The following CSMD1 variants were observed in gnomAD, a reference collection of about 807,000 sequenced individuals.
CSMD1 encodes the protein CUB and sushi domain-containing protein 1.
CSMD1 carries 213 observed loss-of-function variants against 417.5 expected under a neutral mutation model. The observed-to-expected ratio is 0.51, with a 90% CI of 0.46 to 0.57. The LOEUF (loss-of-function observed/expected upper bound fraction) is 0.57. CSMD1 is among the 20% of genes least tolerant of loss of function. The pLI is 0.00. For synonymous variants in CSMD1, 2,862 were observed against 1,736.8 expected (o/e 1.65, Z -16.11); for missense variants, 6,923 against 4,529.7 (o/e 1.53, Z -15.17).
At chr8:4,886,536 T>A (rs1472354635) in intron 1 of CSMD1, among the ~76,000 whole-genome samples, 3 of 151,968 alleles carry the variant, frequency 2.0e-5, no homozygotes, top group Non-Finnish European at 2.9e-5. Context: ...AAGTGTTTCC[T>A]TCTCTTTTAT....
At chr8:4,553,961 C>T (rs547068967) in intron 2 of CSMD1, among the ~76,000 whole-genome samples, 2 of 152,258 alleles carry the variant, frequency 1.3e-5, no homozygotes, top group South Asian at 4.1e-4. Flanking sequence ...TTTAGCCTGT[C>T]ACGCTGATGT....
At chr8:4,185,138 C>CAAA (rs56216926) in intron 3 of CSMD1, among the ~76,000 whole-genome samples, 6 of 75,116 alleles carry the variant, frequency 8.0e-5, no homozygotes, top group African/African-American at 3.3e-4. Flanking sequence ...AATTTTGCCT[C>CAAA]AAAAAAAAAA....
intron 10 of CSMD1, among the ~76,000 whole-genome samples, chr8:3,555,492 T>A (rs1799105384): frequency 6.6e-6 from 1 of 152,124 alleles, no homozygotes; most frequent in African/African-American, 2.4e-5. Context: ...TGCTGACAGG[T>A]TTAAATTCTA....
Position 3,284,140 on chromosome 8 carries a change from C to T in CSMD1, c.4153+4G>A. ...GTAAAGAAGAAGCACGCTGTGCCAC[C>T]TACTGGAGAACTGGATGGAGAAGCC... On this transcript the variant is annotated splice_donor_region_variant and intron_variant, in intron 26 of 69. Transcript: ENST00000635120. 2.6e-6 allele frequency: 4 copies of T among 1,557,096 alleles called. No homozygotes were observed. Among genetic ancestry groups the T allele is most frequent in the Non-Finnish European group, 3.5e-6 (4 of 1,149,966 alleles).
At chr8:3,352,856 A>T (rs1808506983) in intron 21 of CSMD1, among the ~76,000 whole-genome samples, 1 of 152,168 alleles carries the variant, frequency 6.6e-6, no homozygotes, top group Non-Finnish European at 1.5e-5. Flanking sequence ...ACAAACAAAC[A>T]AAGAAACAAA....
intron 10 of CSMD1, among the ~76,000 whole-genome samples, chr8:3,556,415 T>TATATATACATACATA (rs1799148435): frequency 1.1e-4 from 6 of 57,124 alleles, no homozygotes; most frequent in African/African-American, 3.7e-4. Context: ...ATATATATAT[T>TATATATACATACATA]CACACACACA....
intron 3 of CSMD1, among the ~76,000 whole-genome samples, chr8:4,114,417 C>T (rs1289544594): frequency 6.6e-6 from 1 of 152,172 alleles, no homozygotes; most frequent in Non-Finnish European, 1.5e-5. Flanking sequence ...TATTACTGCT[C>T]ATTGACAACA....
At chr8:3,061,136 G>T (rs148991314) in intron 49 of CSMD1, among the ~76,000 whole-genome samples, 1 of 152,278 alleles carries the variant, frequency 6.6e-6, no homozygotes, top group African/African-American at 2.4e-5. Flanking sequence ...GTATTTGTCT[G>T]TTTGTTTATG....
chr8:4,205,544 A>T (rs917935854), intron 3 of CSMD1, among the ~76,000 whole-genome samples: 1 of 152,190 alleles, frequency 6.6e-6, no homozygotes, highest in African/African-American at 2.4e-5. Context: ...ACTGACATTG[A>T]AAGTTGACGG....
At chr8:4,919,846 C>G (rs1157204673) in intron 1 of CSMD1, among the ~76,000 whole-genome samples, 1 of 152,062 alleles carries the variant, frequency 6.6e-6, no homozygotes, top group Non-Finnish European at 1.5e-5. Context: ...GCCCTTTCAC[C>G]TTCTTTCATG....
chr8:3,252,230 C>T (rs560736145), intron 26 of CSMD1, among the ~76,000 whole-genome samples: 68 of 152,196 alleles, frequency 4.5e-4, no homozygotes, highest in African/African-American at 1.4e-3. Context: ...TTTTGAAATA[C>T]GTCCCATCAA....
At chr8:4,855,156 T>A (rs1323915449) in intron 1 of CSMD1, among the ~76,000 whole-genome samples, 1 of 151,006 alleles carries the variant, frequency 6.6e-6, no homozygotes, top group Non-Finnish European at 1.5e-5. Flanking sequence ...AGGGGCACAC[T>A]GACACCTCAC....
chr8:3,125,701 G>T (rs1455484233), intron 41 of CSMD1, among the ~76,000 whole-genome samples: 3 of 152,186 alleles, frequency 2.0e-5, no homozygotes, highest in East Asian at 3.9e-4. Flanking sequence ...TTAAGGCCAG[G>T]TGCCGTGGCT....
At chr8:4,080,937 C>T (rs73190328) in intron 3 of CSMD1, among the ~76,000 whole-genome samples, 1 of 151,992 alleles carries the variant, frequency 6.6e-6, no homozygotes, top group Admixed American at 6.5e-5. Context: ...TGATTAGGCT[C>T]TGGGGACTCT....
chr8:4,080,123 C>A (rs1800050797), intron 3 of CSMD1, among the ~76,000 whole-genome samples: 1 of 151,942 alleles, frequency 6.6e-6, no homozygotes, highest in African/African-American at 2.4e-5. Flanking sequence ...TGTATACACC[C>A]CCATAGGTAC....
chr8:4,789,967 A>G (rs537246570), intron 1 of CSMD1, among the ~76,000 whole-genome samples: 5 of 152,246 alleles, frequency 3.3e-5, no homozygotes, highest in East Asian at 1.9e-4. Flanking sequence ...TAAAGGTGCT[A>G]TTTCTCTCTT....
chr8:3,888,264 C>T (rs1337184453), intron 5 of CSMD1, among the ~76,000 whole-genome samples: 1 of 152,270 alleles, frequency 6.6e-6, no homozygotes, highest in African/African-American at 2.4e-5. Flanking sequence ...GCTAAATACA[C>T]CCAAATGCCA....
intron 1 of CSMD1, among the ~76,000 whole-genome samples, chr8:4,670,759 C>T (rs1293907936): frequency 6.6e-6 from 1 of 152,074 alleles, no homozygotes; most frequent in African/African-American, 2.4e-5. Flanking sequence ...AATACAAGTA[C>T]ACAAAAATTT....
chr8:4,754,718 G>C (rs1456315974), intron 1 of CSMD1, among the ~76,000 whole-genome samples: 1 of 151,988 alleles, frequency 6.6e-6, no homozygotes, highest in Non-Finnish European at 1.5e-5. Context: ...GCATGGTGGT[G>C]GGCGCCTGTA....
Sources: allele counts gnomAD v4.1 joint callset (sites outside exome capture counted in the v4.1 genomes callset), GRCh38; gene constraint gnomAD v4.1.1; transcripts MANE v1.5; gene names NCBI Gene and HGNC (gene_info 2026-07-23, HGNC 2026-07-21).